The following SP100 variants were observed in gnomAD, a reference collection of about 807,000 sequenced individuals.
The protein encoded by SP100 is nuclear autoantigen Sp-100.
Under a neutral mutation model 130.0 loss-of-function variants are expected in SP100, and 84 were observed. The ratio of observed to expected loss-of-function variants is 0.65; its 90% CI spans 0.54 to 0.77. The LOEUF (loss-of-function observed/expected upper bound fraction) is 0.77. Among genes scored for constraint, SP100 ranks in the 30% least tolerant of loss-of-function variants. SP100 has a pLI of 0.00. For missense variants in SP100, 978 were observed against 1,052.2 expected, an observed-to-expected ratio of 0.93 and a Z score of 0.97; for synonymous variants, 331 against 351.7, an observed-to-expected ratio of 0.94 and a Z score of 0.66.
At chr2:230,417,783 G>T in intron 2 of SP100, 118 bp downstream of exon 2, 4 of 1,419,962 alleles carry the variant, frequency 2.8e-6, no homozygotes, top group East Asian at 5.1e-5. Context: ...TTGCTTGTTT[G>T]TTTTTTGCCA....
At chr2:230,537,659 G>T (rs1029281878) in intron 24 of SP100, 1 of 152,242 alleles carries the variant, frequency 6.6e-6, no homozygotes, top group African/African-American at 2.4e-5. Context: ...TGTAATGTGG[G>T]TTTTCAACCT....
chr2:230,494,547 A>G, intron 18 of SP100, 87 bp downstream of exon 18: 1 of 993,468 alleles, frequency 1.0e-6, no homozygotes, highest in Admixed American at 1.8e-5. Flanking sequence ...CAGCCTCAGA[A>G]TCTCCTATGG....
intron 17 of SP100, among the ~76,000 whole-genome samples, chr2:230,493,409 G>T (rs150488362): frequency 0.017 from 2,570 of 152,240 alleles, 26 homozygotes; most frequent in Middle Eastern, 0.048. Flanking sequence ...GAGAGATGGG[G>T]TTTTGCCATG....
intron 20 of SP100, among the ~76,000 whole-genome samples, chr2:230,503,591 G>C (rs975114316): frequency 1.3e-5 from 2 of 152,114 alleles, no homozygotes; most frequent in African/African-American, 2.4e-5. Context: ...CTATCTAACT[G>C]TATATCTGAA....
intron 18 of SP100, among the ~76,000 whole-genome samples, chr2:230,496,750 A>C (rs1348007060): frequency 2.0e-5 from 3 of 152,128 alleles, no homozygotes; most frequent in African/African-American, 7.2e-5. Context: ...CAATTCCCTC[A>C]GTCTCCCAGC....
rs1442674915 is a variant in SP100 at position 230,543,325 on chromosome 2, A to G, written c.*379A>G. On this transcript the variant is annotated 3_prime_UTR_variant, in exon 29 of 29. Coordinates refer to ENST00000340126, the MANE Select transcript of SP100 (RefSeq NM_001080391.2). The stretch of plus-strand genomic sequence containing the variant: ...TGGTCAGAGCAGTCAGGAAGCAGAA[A>G]AAAATAAAGGGTATCTAAATAGGCA... 1 of 154,886 alleles carries G rather than the reference A, an allele frequency of 6.5e-6. No homozygotes were observed. The highest frequency in any genetic ancestry group is 1.4e-5 in the Non-Finnish European group (1 of 69,930). The allele number at this position is 154,886 out of a possible 1,614,324, so 9.6% of individuals were successfully genotyped here. A position where few individuals can be genotyped will look rare whatever the true frequency, so the allele number is the denominator to read the frequency against.
In SP100 at chr2:230,484,680, A is replaced by G. The variant is rs148787007; in HGVS notation, c.1601-9736A>G. 1.2e-3 allele frequency among the ~76,000 whole-genome samples: 186 copies of G among 152,210 alleles called. 2 individuals are homozygous for G. Among genetic ancestry groups the G allele is most frequent in the African/African-American group, 4.1e-3 (171 of 41,540 alleles). On this transcript the variant is annotated intron_variant, in intron 17 of 28. Transcript: ENST00000340126. ...TATTATAAATGAGGTCTTCCCTTGC[A>G]TTATATCTTTTAACTGGTTTTTACT...
At chr2:230,439,922 T>C (rs922411670) in intron 2 of SP100, among the ~76,000 whole-genome samples, 1 of 152,192 alleles carries the variant, frequency 6.6e-6, no homozygotes, top group African/African-American at 2.4e-5. Context: ...GTCTGCTTTT[T>C]ATTTTTATTT....
chr2:230,536,988 T>C (rs1691971016), intron 24 of SP100, among the ~76,000 whole-genome samples: 1 of 152,176 alleles, frequency 6.6e-6, no homozygotes, highest in Non-Finnish European at 1.5e-5. Context: ...CTAGGCACAG[T>C]GATTCATGCC....
intron 10 of SP100, 175 bp from the exon 11 acceptor site, chr2:230,463,892 A>T (rs2064795399): frequency 2.0e-6 from 1 of 499,914 alleles, no homozygotes; most frequent in African/African-American, 2.0e-5. Context: ...AGAATGGAGT[A>T]TCACTAACCC....
intron 2 of SP100, among the ~76,000 whole-genome samples, chr2:230,425,260 A>G (rs1197503726): frequency 6.6e-6 from 1 of 152,178 alleles, no homozygotes; most frequent in East Asian, 1.9e-4. Context: ...TATCCATCTT[A>G]TAACTGAAAG....
At position 230,472,375 on chromosome 2, in the gene SP100, C is replaced by T. The variant is rs2065308147; in HGVS notation, c.1430-949C>T. ...CCTTGGAGGCAGGTCTTGCAGTGAA[C>T]CAAGATCGCACCACTGCACTCCAGC... is the stretch of plus-strand genomic sequence containing the variant. On this transcript the variant is annotated intron_variant, in intron 15 of 28. Coordinates refer to ENST00000340126, the MANE Select transcript of SP100 (RefSeq NM_001080391.2). Among the ~76,000 whole-genome samples the T allele has an allele frequency of 2.1e-5, 3 of 140,300 alleles. No individual in the cohort carries two copies. In the Admixed American group the frequency reaches 2.3e-4, roughly 11 times the overall value. 92.0% of individuals were successfully genotyped at this position (140,300 alleles called of 152,430 possible).
chr2:230,447,343 T>C (rs1253307606), intron 5 of SP100, among the ~76,000 whole-genome samples: 1 of 152,162 alleles, frequency 6.6e-6, no homozygotes, highest in East Asian at 1.9e-4. Context: ...CCCACATCAG[T>C]CAGTTCTCCA....
intron 11 of SP100, among the ~76,000 whole-genome samples, chr2:230,464,632 T>C (rs2064842461): frequency 6.6e-6 from 1 of 152,180 alleles, no homozygotes; most frequent in Non-Finnish European, 1.5e-5. Context: ...TGACTTCAAC[T>C]ACACCCAAAC....
chr2:230,469,566 A>G (rs2065160054), intron 14 of SP100: 1 of 452,318 alleles, frequency 2.2e-6, no homozygotes, highest in Non-Finnish European at 4.5e-6. Flanking sequence ...ATTATGCATG[A>G]ATGAGATAGG....
At chr2:230,512,092 C>T (rs1690628960) in intron 24 of SP100, among the ~76,000 whole-genome samples, 1 of 151,874 alleles carries the variant, frequency 6.6e-6, no homozygotes, top group South Asian at 2.1e-4. Context: ...GTCTTGAACT[C>T]CTGAGCTGAA....
At chr2:230,540,766 A>G (rs918690780) in intron 25 of SP100, 110 bp from the exon 26 acceptor site, 2 of 1,390,630 alleles carry the variant, frequency 1.4e-6, no homozygotes, top group African/African-American at 1.4e-5. Flanking sequence ...GAGAAGTTGG[A>G]TACAAGGTGG....
chr2:230,439,960 C>G (rs1216769010), intron 2 of SP100, among the ~76,000 whole-genome samples: 1 of 151,880 alleles, frequency 6.6e-6, no homozygotes, highest in Non-Finnish European at 1.5e-5. Flanking sequence ...TTTATAAGGT[C>G]TGATTTCACT....
chr2:230,515,065 T>A, intron 24 of SP100: 1 of 1,610,348 alleles, frequency 6.2e-7, no homozygotes, highest in Non-Finnish European at 8.5e-7. Flanking sequence ...TGAAATGTTA[T>A]CATATGCATT....
Sources: gnomAD v4.1 joint callset for allele counts (sites outside exome capture counted in the v4.1 genomes callset) on GRCh38, gnomAD v4.1.1 for gene constraint, MANE v1.5 for transcripts, NCBI Gene and HGNC (gene_info 2026-07-23, HGNC 2026-07-21) for gene names.